FLNB: variants seen among roughly 807,000 people sequenced by gnomAD.
FLNB encodes filamin B, also known as filamin-B.
In FLNB, 111 loss-of-function variants were observed where a neutral mutation model predicts 250.6. The observed-to-expected ratio is 0.44, with a 90% confidence interval of 0.38 to 0.52. The LOEUF is 0.52. Among genes scored for constraint, FLNB ranks in the 20% least tolerant of loss-of-function variants. The pLI is 0.00. For synonymous variants in FLNB, 1,302 were observed against 1,372.1 expected, an observed-to-expected ratio of 0.95 and a Z score of 1.13; for missense variants, 2,869 against 3,447.8, an observed-to-expected ratio of 0.83 and a Z score of 4.20.
chr3:58,168,648 C>A lies in FLNB; in HGVS notation c.7407C>A (p.Ala2469=), dbSNP rs747037363. The change falls in exon 44 of 46, where the codon GCC becomes GCA. Residue 2469 remains alanine (A), a synonymous_variant. Transcript: ENST00000295956. Reference sequence around the variant, plus strand: ...ACATCGTGGGCAGTCCCTTCAAGGCCAAGGTGACAGGTAACGAACAACCAC... The same window carrying A: ...ACATCGTGGGCAGTCCCTTCAAGGCAAAGGTGACAGGTAACGAACAACCAC... ...PNHIVGSPFK[A]KVTGQRLVSP... is the part of the protein sequence containing the mutation. 1 of 1,612,866 alleles carries A rather than the reference C, an allele frequency of 6.2e-7. No homozygotes were observed. Among genetic ancestry groups the A allele is most frequent in the East Asian group, 2.2e-5 (1 of 44,884 alleles).
In FLNB at chr3:58,164,307, T is replaced by C. The variant is rs1039439309; in HGVS notation, c.7198+977T>C. ...GTGCGCAGTGAGTGCGTCACTGTTA[T>C]GGAGGCTGCCAGGGTGGAGAGTCAG... On this transcript the variant is annotated intron_variant, in intron 43 of 45. Transcript: ENST00000295956. This position sits in a 1 kb window ranked among gnomAD's most constrained non-coding sequence, Gnocchi z 4.0. The C allele has an allele frequency of 1.3e-5, 2 of 152,334 alleles. No individual in the cohort carries two copies. The highest frequency in any genetic ancestry group is 6.5e-5 in the Admixed American group (1 of 15,292). 9.4% of individuals were successfully genotyped at this position (152,334 alleles called of 1,614,324 possible). A position where few individuals can be genotyped will look rare whatever the true frequency, so the allele number is the denominator to read the frequency against.
intron 1 of FLNB, among the ~76,000 whole-genome samples, chr3:58,029,667 C>G (rs947450762): frequency 2.0e-5 from 3 of 151,942 alleles, no homozygotes; most frequent in African/African-American, 7.3e-5. Context: ...CCATGCCTGG[C>G]TAATTTTTTG....
intron 40 of FLNB, 114 bp downstream of exon 40, chr3:58,155,042 C>A: frequency 1.0e-6 from 1 of 1,000,280 alleles, no homozygotes; most frequent in South Asian, 1.3e-5. Context: ...TGTGTATGGG[C>A]ACATGGGACA....
rs1203698928 is a variant in FLNB, at chr3:58,106,750, C to T, written c.1818C>T (p.Val606=). The T allele has an allele frequency of 5.6e-6, 9 of 1,614,154 alleles. No homozygotes were observed. In the East Asian group the frequency reaches 1.6e-4, roughly 28 times the overall value. ...ACCAGAATGATGGATCGTGTGATGT[C>T]AAATACTGGCCCAAGGAGCCTGGCG... ...YNDQNDGSCD[V]KYWPKEPGEY... is the part of the protein sequence containing the mutation. Residue 606 remains valine (V), a synonymous_variant, in exon 12 of 46, where the codon GTC becomes GTT. Transcript: ENST00000295956.
At chr3:58,135,939 C>T in intron 27 of FLNB, 40 bp from the exon 28 acceptor site, 7 of 1,600,128 alleles carry the variant, frequency 4.4e-6, no homozygotes, top group Non-Finnish European at 6.0e-6. Flanking sequence ...TTTTCTACAT[C>T]TTGACAACAT....
intron 6 of FLNB, 132 bp downstream of exon 6, chr3:58,096,350 A>C: frequency 5.5e-6 from 4 of 731,464 alleles, no homozygotes; most frequent in Non-Finnish European, 2.4e-6. Flanking sequence ...ATCTATGCTC[A>C]TGATAGAAAA....
rs147001986 is a variant in FLNB at position 58,104,015 on chromosome 3, G to A, written c.1540G>A (p.Glu514Lys). Residue 514 changes from glutamate to lysine, a missense_variant, in exon 10 of 46, where the codon GAG (glutamate) becomes AAG (lysine). Glu to Lys is a moderately conservative substitution (Grantham distance 56). This residue lies in a region of FLNB where 1,348 missense variants were observed against 1,466.7 expected (regional missense o/e 0.92). Transcript: ENST00000295956. Reference sequence around the variant, plus strand: ...CTTTCTGGATGGGGTCTACGCATTCGAGTATTACCCCAGCACCCCGGGGAG... The same window carrying A: ...CTTTCTGGATGGGGTCTACGCATTCAAGTATTACCCCAGCACCCCGGGGAG... ...KDFLDGVYAF[E>K]YYPSTPGRYS... The A allele has an allele frequency of 2.1e-4, 341 of 1,613,786 alleles. No homozygotes were observed. The highest frequency in any genetic ancestry group is 2.8e-4 in the Non-Finnish European group (325 of 1,179,818).
At chr3:58,149,458 A>T (rs1297677104) in intron 36 of FLNB, 1 of 308,560 alleles carries the variant, frequency 3.2e-6, no homozygotes, top group Non-Finnish European at 6.2e-6. Context: ...GACCTAGCTG[A>T]GGTAGCCAGG....
intron 29 of FLNB, among the ~76,000 whole-genome samples, chr3:58,140,683 T>C (rs2097325376): frequency 6.6e-6 from 1 of 152,094 alleles, no homozygotes; most frequent in Admixed American, 6.5e-5. Context: ...ATCTCAGCTC[T>C]CTGCAACCTC....
At chr3:58,055,755 T>A (rs2097169430) in intron 1 of FLNB, among the ~76,000 whole-genome samples, 1 of 152,244 alleles carries the variant, frequency 6.6e-6, no homozygotes, top group East Asian at 1.9e-4. Flanking sequence ...CTGAAGACTG[T>A]ACTCTTTCTT....
intron 1 of FLNB, among the ~76,000 whole-genome samples, chr3:58,075,437 C>T (rs1254769522): frequency 1.3e-5 from 2 of 152,020 alleles, no homozygotes; most frequent in Non-Finnish European, 2.9e-5. Flanking sequence ...TGAAGAGGTC[C>T]AGGGGCTCAG....
rs1465864521 is a variant in FLNB at position 58,141,911 on chromosome 3, C to T, written c.5163C>T (p.Pro1721=). 6 of 1,614,126 alleles carry T rather than the reference C, an allele frequency of 3.7e-6. No individual in the cohort carries two copies. The African/African-American group carries it at 5.3e-5, about 14-fold the overall frequency. ...AGGAGGCACCGGTAAATGCATGTCC[C>T]CCTGGATTCAGGCCCTGGGTACAAT... ...AVEEAPVNAC[P]PGFRPWVTEE... Residue 1721 remains proline, a synonymous_variant, in exon 30 of 46, where the codon CCC becomes CCT. Transcript: ENST00000295956.
At chr3:58,160,983 A>G (rs1003673866) in intron 42 of FLNB, among the ~76,000 whole-genome samples, 10 of 152,160 alleles carry the variant, frequency 6.6e-5, no homozygotes, top group African/African-American at 2.4e-4. Flanking sequence ...ACCCTGTCTC[A>G]AAAAGAAAGA....
chr3:58,128,255 ACACT>A (rs2097301167), intron 24 of FLNB, among the ~76,000 whole-genome samples: 1 of 152,110 alleles, frequency 6.6e-6, no homozygotes, highest in Non-Finnish European at 1.5e-5. Context: ...ATGTGCACAC[ACACT>A]CACACTCACT....
At chr3:58,133,553 AGT>A (rs1302644951) in intron 26 of FLNB, among the ~76,000 whole-genome samples, 2 of 151,088 alleles carry the variant, frequency 1.3e-5, no homozygotes, top group Non-Finnish European at 1.5e-5. Context: ...ACCTGCAAGT[AGT>A]TTTCTGATTG....
chr3:58,010,683 A>C lies in FLNB; in HGVS notation c.292+1827A>C, dbSNP rs147686355. Reference sequence around the variant, plus strand: ...TATTTATTTAATTAACTGAATAAAGAAACTTAAAGTAAACCAGAAGTATCC... The same window carrying C: ...TATTTATTTAATTAACTGAATAAAGCAACTTAAAGTAAACCAGAAGTATCC... On this transcript the variant is annotated intron_variant, in intron 1 of 45. Transcript: ENST00000295956. Among the ~76,000 whole-genome samples the C allele has an allele frequency of 5.3e-3, 806 of 152,334 alleles. 2 individuals carry two copies. Among genetic ancestry groups the C allele is most frequent in the Middle Eastern group, 0.014 (4 of 294 alleles).
chr3:58,062,250 CT>C (rs986929389), intron 1 of FLNB, among the ~76,000 whole-genome samples: 1 of 152,178 alleles, frequency 6.6e-6, no homozygotes, highest in Non-Finnish European at 1.5e-5. Context: ...GCAGTCATGA[CT>C]TCTGAAAAAC....
chr3:58,095,185 C>T (rs1383351159), intron 5 of FLNB, among the ~76,000 whole-genome samples: 1 of 151,946 alleles, frequency 6.6e-6, no homozygotes, highest in Non-Finnish European at 1.5e-5. Flanking sequence ...ATAAAGGATA[C>T]TTTGGATTTA....
intron 3 of FLNB, among the ~76,000 whole-genome samples, chr3:58,079,499 C>A (rs988482687): frequency 1.3e-5 from 2 of 152,186 alleles, no homozygotes; most frequent in African/African-American, 4.8e-5. Flanking sequence ...GATCTGCCCG[C>A]CTCAGCCTCC....
Sources: allele counts gnomAD v4.1 joint callset (sites outside exome capture counted in the v4.1 genomes callset), GRCh38; gene constraint gnomAD v4.1.1; regional missense constraint gnomAD v4.1.1; non-coding constraint Gnocchi (gnomAD v3.1); transcripts MANE v1.5; gene names NCBI Gene and HGNC (gene_info 2026-07-23, HGNC 2026-07-21).